Variants in CCDC85A observed in about 807,000 individuals in gnomAD.
The protein encoded by CCDC85A is coiled-coil domain containing 85A.
Under a neutral mutation model 50.2 loss-of-function variants are expected in CCDC85A, and 38 were observed. The ratio of observed to expected loss-of-function variants is 0.76; its 90% CI spans 0.58 to 0.99. The LOEUF is 0.99. Among genes scored for constraint, CCDC85A ranks in the 50% least tolerant of loss-of-function variants. The pLI, the probability that CCDC85A is intolerant of heterozygous loss-of-function variation, is 0.00. For synonymous variants in CCDC85A, 366 were observed against 301.4 expected (o/e 1.21, Z -2.22); for missense variants, 820 against 742.0 (o/e 1.11, Z -1.22).
intron 2 of CCDC85A, among the ~76,000 whole-genome samples, chr2:56,277,922 A>ACAGAGCC (rs1290803906): frequency 6.6e-6 from 1 of 152,252 alleles, no homozygotes; most frequent in Admixed American, 6.5e-5. Context: ...TATTGGACCA[A>ACAGAGCC]CAGAGCAGCA....
At chr2:56,248,589 G>A (rs1669613812) in intron 2 of CCDC85A, among the ~76,000 whole-genome samples, 2 of 152,202 alleles carry the variant, frequency 1.3e-5, no homozygotes, top group African/African-American at 4.8e-5. Flanking sequence ...TTAACAAGTG[G>A]CTTCCGACAA....
chr2:56,289,400 T>C (rs1006091466), intron 2 of CCDC85A, among the ~76,000 whole-genome samples: 5 of 151,976 alleles, frequency 3.3e-5, no homozygotes, highest in African/African-American at 4.8e-5. Flanking sequence ...TTACCCCAGG[T>C]TGGGTTGAAG....
intron 2 of CCDC85A, among the ~76,000 whole-genome samples, chr2:56,217,284 G>T (rs894321165): frequency 1.3e-5 from 2 of 151,814 alleles, no homozygotes; most frequent in African/African-American, 2.4e-5. Context: ...TAATCATTGA[G>T]TGGGCCTCCC....
intron 3 of CCDC85A, among the ~76,000 whole-genome samples, chr2:56,369,907 T>G (rs1217127083): frequency 1.3e-5 from 2 of 152,156 alleles, no homozygotes; most frequent in Non-Finnish European, 1.5e-5. Flanking sequence ...TATTGACTAG[T>G]ACAGTTATAG....
intron 1 of CCDC85A, 158 bp downstream of exon 1, chr2:56,185,058 C>A: frequency 1.1e-6 from 1 of 889,868 alleles, no homozygotes. Flanking sequence ...CCCTGTGTAA[C>A]TTTTCCAAAC....
At chr2:56,207,087 C>A (rs778149333) in intron 2 of CCDC85A, among the ~76,000 whole-genome samples, 6 of 152,136 alleles carry the variant, frequency 3.9e-5, no homozygotes, top group Non-Finnish European at 8.8e-5. Flanking sequence ...AATCTTGCAA[C>A]CTTGTGGACC....
intron 2 of CCDC85A, among the ~76,000 whole-genome samples, chr2:56,332,152 A>C (rs892733738): frequency 1.4e-4 from 22 of 152,340 alleles, no homozygotes; most frequent in Admixed American, 5.2e-4. Context: ...GAACCTTATT[A>C]AGCAGATTTC....
At chr2:56,254,235 C>G (rs138545449) in intron 2 of CCDC85A, among the ~76,000 whole-genome samples, 1 of 152,024 alleles carries the variant, frequency 6.6e-6, no homozygotes, top group Non-Finnish European at 1.5e-5. Flanking sequence ...ATACCTACCT[C>G]CTGTTCATAG....
chr2:56,208,955 A>G (rs942429387), intron 2 of CCDC85A, among the ~76,000 whole-genome samples: 2 of 152,100 alleles, frequency 1.3e-5, no homozygotes, highest in Admixed American at 1.3e-4. Flanking sequence ...GACAATCTTC[A>G]TCTTTCTCAA....
At chr2:56,305,597 A>G (rs12465842) in intron 2 of CCDC85A, among the ~76,000 whole-genome samples, 20,144 of 152,302 alleles carry the variant, frequency 0.13, 1,511 homozygotes, top group Admixed American at 0.22. Flanking sequence ...AAGAGATTCT[A>G]TAATTTGTAT....
intron 2 of CCDC85A, among the ~76,000 whole-genome samples, chr2:56,262,036 T>C (rs1461167549): frequency 6.6e-6 from 1 of 152,154 alleles, no homozygotes; most frequent in Non-Finnish European, 1.5e-5. Context: ...ACATCTGCCA[T>C]AGGATGTGTT....
chr2:56,199,386 G>T (rs1676646271), intron 2 of CCDC85A, among the ~76,000 whole-genome samples: 1 of 152,130 alleles, frequency 6.6e-6, no homozygotes, highest in African/African-American at 2.4e-5. Flanking sequence ...GTCAAAGTTT[G>T]CCAAAGCTTT....
At chr2:56,271,125 G>A (rs1670677015) in intron 2 of CCDC85A, among the ~76,000 whole-genome samples, 1 of 152,198 alleles carries the variant, frequency 6.6e-6, no homozygotes, top group Admixed American at 6.5e-5. Context: ...CATGTAATGT[G>A]TTACTAGTAC....
intron 3 of CCDC85A, among the ~76,000 whole-genome samples, chr2:56,357,518 T>C (rs1675294188): frequency 6.6e-6 from 1 of 152,238 alleles, no homozygotes; most frequent in African/African-American, 2.4e-5. Flanking sequence ...CTATGCTTTT[T>C]ATTTTAGATG....
chr2:56,208,140 A>G (rs1335568354), intron 2 of CCDC85A, among the ~76,000 whole-genome samples: 1 of 152,164 alleles, frequency 6.6e-6, no homozygotes, highest in East Asian at 1.9e-4. Flanking sequence ...ATTAGCCCAG[A>G]AGAAACTAAA....
At chr2:56,330,009 G>A (rs1170367195) in intron 2 of CCDC85A, among the ~76,000 whole-genome samples, 1 of 62,434 alleles carries the variant, frequency 1.6e-5, no homozygotes, top group Non-Finnish European at 3.2e-5. Flanking sequence ...TGCATTCATT[G>A]ACAATACCGA....
At chr2:56,263,817 T>G (rs1670320269) in intron 2 of CCDC85A, among the ~76,000 whole-genome samples, 1 of 152,162 alleles carries the variant, frequency 6.6e-6, no homozygotes, top group African/African-American at 2.4e-5. Context: ...TTTTATCTCC[T>G]CCAGCTTACA....
chr2:56,384,163 C>T, intron 5 of CCDC85A, 103 bp from the exon 6 acceptor site: 1 of 978,472 alleles, frequency 1.0e-6, no homozygotes, highest in Non-Finnish European at 1.6e-6. Context: ...TGTCTCTTGT[C>T]TTTACTTCAT....
At chr2:56,252,742 T>C (rs766697668) in intron 2 of CCDC85A, among the ~76,000 whole-genome samples, 2 of 152,154 alleles carry the variant, frequency 1.3e-5, no homozygotes, top group Non-Finnish European at 2.9e-5. Flanking sequence ...CCCCTCCCTG[T>C]GTCCATGTGT....
Sources: allele counts gnomAD v4.1 joint callset (sites outside exome capture counted in the v4.1 genomes callset), GRCh38; gene constraint gnomAD v4.1.1; transcripts MANE v1.5; gene names NCBI Gene and HGNC (gene_info 2026-07-23, HGNC 2026-07-21).